The following DHRS2 variants were observed in gnomAD, a reference collection of about 807,000 sequenced individuals.
The protein encoded by DHRS2 is dehydrogenase/reductase SDR family member 2, mitochondrial.
In DHRS2, 29 loss-of-function variants were observed where a neutral mutation model predicts 26.3. The observed-to-expected ratio is 1.10, with a 90% CI of 0.82 to 1.50. The LOEUF (loss-of-function observed/expected upper bound fraction) is 1.50. DHRS2 is among the 40% of genes most tolerant of loss of function. The pLI, the probability that DHRS2 is intolerant of heterozygous loss-of-function variation, is 0.00. For missense variants in DHRS2, 439 were observed against 367.1 expected, an observed-to-expected ratio of 1.20 and a Z score of -1.60; for synonymous variants, 164 against 151.3, an observed-to-expected ratio of 1.08 and a Z score of -0.62.
intron 4 of DHRS2, chr14:23,640,183 A>G: frequency 1.1e-6 from 1 of 887,128 alleles, no homozygotes; most frequent in Non-Finnish European, 1.4e-6. Context: ...GCCAGGCACC[A>G]CTATTCCAGG....
chr14:23,633,692 C>T (rs780666994), upstream of DHRS2, among the ~76,000 whole-genome samples: 7 of 152,110 alleles, frequency 4.6e-5, no homozygotes, highest in Non-Finnish European at 7.4e-5. Context: ...TGCTTCCTGG[C>T]TAGGATACTC....
chr14:23,637,321 TC>T (rs772422736), intron 1 of DHRS2, among the ~76,000 whole-genome samples: 2 of 152,200 alleles, frequency 1.3e-5, no homozygotes, highest in African/African-American at 4.8e-5. Flanking sequence ...GCACCTGGGC[TC>T]ACCAATCAGA....
chr14:23,637,441 G>A (rs139707049), intron 1 of DHRS2, among the ~76,000 whole-genome samples: 1 of 152,162 alleles, frequency 6.6e-6, no homozygotes, highest in Non-Finnish European at 1.5e-5. Flanking sequence ...AGCTAGGATA[G>A]GGGGAGCCTC....
At chr14:23,644,215 G>C in intron 6 of DHRS2, 53 bp downstream of exon 6, 1 of 1,601,166 alleles carries the variant, frequency 6.2e-7, no homozygotes, top group South Asian at 1.1e-5. Flanking sequence ...GGGCAACTTT[G>C]TTCTTTTCCT....
chr14:23,635,912 C>T (rs983420592), upstream of DHRS2, among the ~76,000 whole-genome samples: 2 of 152,272 alleles, frequency 1.3e-5, no homozygotes, highest in Non-Finnish European at 2.9e-5. Flanking sequence ...TCCCTCTGGG[C>T]TGCTGGAGTG....
chr14:23,631,548 A>ACCCCCC (rs199914931), upstream of DHRS2, among the ~76,000 whole-genome samples: 3 of 147,134 alleles, frequency 2.0e-5, no homozygotes, highest in African/African-American at 7.5e-5. Context: ...TTCTTCCTCT[A>ACCCCCC]CCCCCCCCAC....
upstream of DHRS2, among the ~76,000 whole-genome samples, chr14:23,632,057 G>C (rs1454648965): frequency 2.6e-5 from 4 of 152,204 alleles, no homozygotes. Context: ...AGGCCAGAAA[G>C]GGGACAGCCA....
Position 23,636,982 on chromosome 14 carries a change from C to T in DHRS2, c.-39+210C>T, listed in dbSNP as rs370261830. Reference sequence around the variant, plus strand: ...ATGTTGTTTTGCCTGGAACCAGCTTCCGCTTTTCCTGTACTTCTGGGCTGA... The same window carrying T: ...ATGTTGTTTTGCCTGGAACCAGCTTTCGCTTTTCCTGTACTTCTGGGCTGA... On this transcript the variant is annotated intron_variant, in intron 1 of 8. Transcript: ENST00000250383. 3.5e-3 allele frequency among the ~76,000 whole-genome samples: 533 copies of T among 152,276 alleles called. 3 individuals carry two copies. Among genetic ancestry groups the T allele is most frequent in the Non-Finnish European group, 6.2e-3 (423 of 68,022 alleles).
intron 4 of DHRS2, chr14:23,641,374 C>G (rs1188592791): frequency 4.0e-6 from 1 of 252,200 alleles, no homozygotes; most frequent in East Asian, 1.1e-4. Context: ...TCTCCAGCGA[C>G]TCCAGCGTGC....
Position 23,644,409 on chromosome 14 carries a change from GC to G in DHRS2, c.542del (p.Ala181GlyfsTer30). ...ATCACTCTGTCAATTCCCTTCCCAG[GC>G]GCTGGGTGTCTACAATGTCAGCAAG... is the stretch of plus-strand genomic sequence containing the variant. ...SSIAAYNPVV[A>X]LGVYNVSKTA... On this transcript the variant is annotated frameshift_variant and splice_region_variant, in exon 7 of 9. Transcript: ENST00000250383. LOFTEE classifies it high-confidence loss of function. The G allele has an allele frequency of 1.2e-6, 2 of 1,614,080 alleles. No individual in the cohort carries two copies. The highest frequency in any genetic ancestry group is 1.7e-6 in the Non-Finnish European group (2 of 1,180,034).
chr14:23,634,514 C>G (rs1481763814), upstream of DHRS2, among the ~76,000 whole-genome samples: 4 of 152,078 alleles, frequency 2.6e-5, no homozygotes, highest in East Asian at 5.8e-4. Flanking sequence ...ATTGTTTTAC[C>G]TGTTGTTGAA....
At chr14:23,637,836 C>T (rs1890405633) in intron 1 of DHRS2, among the ~76,000 whole-genome samples, 1 of 152,092 alleles carries the variant, frequency 6.6e-6, no homozygotes, top group Non-Finnish European at 1.5e-5. Context: ...AGCACTCTGT[C>T]AAAATGGACC....
chr14:23,642,963 C>A (rs1890727435), intron 4 of DHRS2, 189 bp from the exon 5 acceptor site: 11 of 600,710 alleles, frequency 1.8e-5, no homozygotes, highest in Non-Finnish European at 3.3e-5. Context: ...GTGACTTAGC[C>A]TGCCTGCCTA....
At chr14:23,644,761 C>T (rs1188156682) in intron 7 of DHRS2, 66 bp from the exon 8 acceptor site, 9 of 1,582,164 alleles carry the variant, frequency 5.7e-6, no homozygotes, top group Admixed American at 3.3e-5. Flanking sequence ...TGCCTGGTGG[C>T]CTTCCCGGGG....
At chr14:23,643,904 T>G in intron 5 of DHRS2, 4 of 595,632 alleles carry the variant, frequency 6.7e-6, no homozygotes, top group East Asian at 2.9e-5. Flanking sequence ...ATCGTATTTA[T>G]GAGAAATAGG....
rs1196013611 is a variant in DHRS2 at position 23,645,543 on chromosome 14, G to A, written c.*290G>A. 1.8e-5 allele frequency: 9 copies of A among 506,154 alleles called. No homozygotes were observed. The highest frequency in any genetic ancestry group is 6.4e-5 in the South Asian group (2 of 31,434). 31.4% of individuals were successfully genotyped at this position (506,154 alleles called of 1,614,324 possible). A position where few individuals can be genotyped will look rare whatever the true frequency, so the allele number is the denominator to read the frequency against. ...TTTGGAGGAATCTTAAGGGAAAGGA[G>A]TAGAAGCTCAGGCCTTTGAAGGATT... is the stretch of plus-strand genomic sequence containing the variant. On this transcript the variant is annotated 3_prime_UTR_variant, in exon 9 of 9. Transcript: ENST00000250383.
chr14:23,639,233 CAGCAGCCGGA>C lies in DHRS2; in HGVS notation c.202_211del (p.Lys69ThrfsTer14). ...CCCGGGACGGGGCCCACGTGGTCAT[CAGCAGCCGGA>C]AGCAGCAGAACGTGGACCGGGCCAT... On this transcript the variant is annotated frameshift_variant, in exon 3 of 9. Coordinates refer to ENST00000250383, the MANE Select transcript of DHRS2 (RefSeq NM_005794.4). LOFTEE classifies it high-confidence loss of function. The C allele has an allele frequency of 6.2e-7, 1 of 1,613,882 alleles. No homozygotes were observed. Among genetic ancestry groups the C allele is most frequent in the Non-Finnish European group, 8.5e-7 (1 of 1,179,908 alleles).
At chr14:23,633,144 TATATCTTC>T (rs1393788477), upstream of DHRS2, among the ~76,000 whole-genome samples, 7 of 152,206 alleles carry the variant, frequency 4.6e-5, no homozygotes, top group Admixed American at 4.6e-4. Flanking sequence ...TTCATGGTGA[TATATCTTC>T]ATACCTGAGT....
chr14:23,639,730 G>T, intron 3 of DHRS2, 64 bp from the exon 4 acceptor site: 1 of 1,492,228 alleles, frequency 6.7e-7, no homozygotes, highest in Non-Finnish European at 9.0e-7. Flanking sequence ...TATGACCTGG[G>T]CTGCCCTGGG....
Sources: allele counts gnomAD v4.1 joint callset (sites outside exome capture counted in the v4.1 genomes callset), GRCh38; gene constraint gnomAD v4.1.1; transcripts MANE v1.5; gene names NCBI Gene and HGNC (gene_info 2026-07-23, HGNC 2026-07-21).